The following CES3 variants were observed in gnomAD, a reference collection of about 807,000 sequenced individuals.
The protein encoded by CES3 is carboxylesterase 3 (brain).
In CES3, 49 loss-of-function variants were observed where a neutral mutation model predicts 57.6. The observed-to-expected ratio is 0.85, with a 90% CI of 0.68 to 1.08. The LOEUF is 1.08. CES3 is among the 50% of genes least tolerant of loss of function. The pLI is 0.00. For missense variants in CES3, 645 were observed against 742.0 expected, an observed-to-expected ratio of 0.87 and a Z score of 1.52; for synonymous variants, 266 against 281.6, an observed-to-expected ratio of 0.94 and a Z score of 0.55.
rs750026594 is a variant in CES3 at position 66,972,443 on chromosome 16, A to G, written c.1379A>G (p.His460Arg). Reference protein sequence around the residue: ...KIKPAWVKADHGAEGAFVFGG... With the variant: ...KIKPAWVKADRGAEGAFVFGG... The stretch of plus-strand genomic sequence containing the variant: ...AAACCTGCCTGGGTGAAGGCTGATC[A>G]TGGGGCCGAGGGTGCTTTTGTGTTC... Residue 460 changes from histidine (H) to arginine (R), a missense_variant, in exon 11 of 13, where the codon CAT becomes CGT. By Grantham distance (29) the His-to-Arg change is conservative. Coordinates refer to ENST00000303334, the MANE Select transcript of CES3 (RefSeq NM_024922.6). 2 of 1,614,100 alleles carry G rather than the reference A, an allele frequency of 1.2e-6. No individual in the cohort carries two copies. The highest frequency in any genetic ancestry group is 1.7e-5 in the Admixed American group (1 of 59,994).
At chr16:66,969,209 C>G (rs1963788411) in intron 8 of CES3, among the ~76,000 whole-genome samples, 1 of 152,238 alleles carries the variant, frequency 6.6e-6, no homozygotes, top group African/African-American at 2.4e-5. Context: ...AGTGTGAGAC[C>G]AGCCTGGCCA....
intron 10 of CES3, 61 bp downstream of exon 10, chr16:66,971,380 C>T: frequency 3.9e-6 from 6 of 1,555,708 alleles, no homozygotes; most frequent in Non-Finnish European, 5.3e-6. Flanking sequence ...GCTGGGTCAT[C>T]ACAGGTGACA....
rs1963647588 is a variant in CES3, at chr16:66,961,292, A to G, written c.-16A>G. On this transcript the variant is annotated 5_prime_UTR_variant, in exon 1 of 13. Transcript: ENST00000303334. ...TTCCACCTTCTGAAGCTTCTGTCGA[A>G]CCAGTTGTAAGGAGAATGGAGAGAG... 3.7e-6 allele frequency: 6 copies of G among 1,610,946 alleles called. No individual in the cohort carries two copies. The highest frequency in any genetic ancestry group is 5.1e-6 in the Non-Finnish European group (6 of 1,177,572).
In CES3 at chr16:66,974,388, C is replaced by T. The variant is rs1432635974; in HGVS notation, c.*1339C>T. On this transcript the variant is annotated 3_prime_UTR_variant, in exon 13 of 13. Transcript: ENST00000303334. ...CCCACTCAGAGCAGCTGGCCGGCCC[C>T]AGGCAGTGAGGGCCTTAGCACCTGG... 1.3e-5 allele frequency: 2 copies of T among 152,342 alleles called. No individual in the cohort carries two copies. The highest frequency in any genetic ancestry group is 2.4e-5 in the African/African-American group (1 of 41,458). The allele number at this position is 152,342 out of a possible 1,614,324, so 9.4% of individuals were successfully genotyped here. A position where few individuals can be genotyped will look rare whatever the true frequency, so the allele number is the denominator to read the frequency against.
Position 66,961,341 on chromosome 16 carries a change from C to G in CES3, c.34C>G (p.Leu12Val), listed in dbSNP as rs750791946. 3.1e-6 allele frequency: 5 copies of G among 1,613,694 alleles called. No homozygotes were observed. In the East Asian group the frequency reaches 8.9e-5, roughly 29 times the overall value. Reference sequence around the variant, plus strand: ...AGCAGTGAGAGTGGAGTCCGGGGTCCTGGTCGGGGTGGTCTGTCTGCTCCT... The same window carrying G: ...AGCAGTGAGAGTGGAGTCCGGGGTCGTGGTCGGGGTGGTCTGTCTGCTCCT... ...ERAVRVESGV[L>V]VGVVCLLLAC... The change falls in exon 1 of 13, where the codon CTG becomes GTG. Residue 12 changes from leucine to valine, a missense_variant. Coordinates refer to ENST00000303334, the MANE Select transcript of CES3 (RefSeq NM_024922.6).
chr16:66,970,054 T>A (rs71647902), intron 9 of CES3, among the ~76,000 whole-genome samples: 3,618 of 151,458 alleles, frequency 0.024, 98 homozygotes, highest in South Asian at 0.074. Flanking sequence ...CGGGAGAGGG[T>A]TTCATCTCCT....
At chr16:66,961,533 C>T (rs368386792) in intron 1 of CES3, 144 bp downstream of exon 1, 53 of 656,742 alleles carry the variant, frequency 8.1e-5, no homozygotes, top group African/African-American at 3.2e-4. Context: ...TCTGGGCAGG[C>T]GCTCTGCTCT....
At position 66,967,475 on chromosome 16, in the gene CES3, G is replaced by A. The variant is rs910532674; in HGVS notation, c.1062+610G>A. The A allele has an allele frequency of 1.3e-4, 133 of 985,452 alleles. 1 individual carries two copies. The highest frequency in any genetic ancestry group is 5.2e-5 in the African/African-American group (3 of 57,234). 61.0% of individuals were successfully genotyped at this position (985,452 alleles called of 1,614,324 possible). ...ACATCAGGCTCTATGAGACTGGTTAGTGTGACTCTGTGCCAGAGCAATTGA... is the reference window on the plus strand; with the variant it reads ...ACATCAGGCTCTATGAGACTGGTTAATGTGACTCTGTGCCAGAGCAATTGA... On this transcript the variant is annotated intron_variant, in intron 8 of 12. Coordinates refer to ENST00000303334, the MANE Select transcript of CES3 (RefSeq NM_024922.6).
chr16:66,967,099 T>C (rs1196048654), intron 8 of CES3, among the ~76,000 whole-genome samples: 2 of 151,070 alleles, frequency 1.3e-5, no homozygotes, highest in Non-Finnish European at 2.9e-5. Context: ...TTGTTTGTTT[T>C]TGAGACAGAG....
intron 7 of CES3, 175 bp from the exon 8 acceptor site, chr16:66,966,550 G>A (rs905333562): frequency 2.1e-5 from 18 of 846,046 alleles, no homozygotes; most frequent in South Asian, 6.9e-5. Flanking sequence ...GAAACTGGAC[G>A]CATCTGTTGC....
At position 66,966,355 on chromosome 16, in the gene CES3, C is replaced by A; in HGVS notation, c.921+10C>A. 2 of 1,612,520 alleles carry A rather than the reference C, an allele frequency of 1.2e-6. No individual in the cohort carries two copies. Among genetic ancestry groups the A allele is most frequent in the Non-Finnish European group, 8.5e-7 (1 of 1,179,196 alleles). ...CCTTAGCAAGAAGCTGGTATGGCCA[C>A]CCTTTTGGGGATGGTGCCGGGCAAT... On this transcript the variant is annotated intron_variant, in intron 7 of 12. Coordinates refer to ENST00000303334, the MANE Select transcript of CES3 (RefSeq NM_024922.6).
chr16:66,968,687 G>A (rs999436362), intron 8 of CES3, among the ~76,000 whole-genome samples: 2 of 152,060 alleles, frequency 1.3e-5, no homozygotes, highest in African/African-American at 2.4e-5. Context: ...GCTGAGGTGA[G>A]TGGGTCACTT....
chr16:66,968,236 C>T lies in CES3; in HGVS notation c.1062+1371C>T, dbSNP rs201746796. Among the ~76,000 whole-genome samples, 17 of 152,130 alleles carry T rather than the reference C, an allele frequency of 1.1e-4. 1 individual carries two copies. The highest frequency in any genetic ancestry group is 2.4e-4 in the Non-Finnish European group (16 of 68,020). ...GTGCAATGGCGCGATCTTAGCTCAC[C>T]GCACTGCAACCTCTGCCTCCCAGGT... On this transcript the variant is annotated intron_variant, in intron 8 of 12. Transcript: ENST00000303334.
chr16:66,973,309 G>C lies in CES3; in HGVS notation c.*260G>C. ...TGGTAGGTTCTAGCACATTCCTCTA[G>C]CTTCCTGGAGGACTCACTCCCCCAG... On this transcript the variant is annotated 3_prime_UTR_variant, in exon 13 of 13. Coordinates refer to ENST00000303334, the MANE Select transcript of CES3 (RefSeq NM_024922.6). 4.9e-6 allele frequency: 2 copies of C among 409,086 alleles called. No individual in the cohort carries two copies. Among genetic ancestry groups the C allele is most frequent in the Non-Finnish European group, 8.9e-6 (2 of 223,736 alleles). The allele number at this position is 409,086 out of a possible 1,614,324, so 25.3% of individuals were successfully genotyped here. A position where few individuals can be genotyped will look rare whatever the true frequency, so the allele number is the denominator to read the frequency against.
In CES3 at chr16:66,964,642, C is replaced by T; in HGVS notation, c.734C>T (p.Ala245Val). 1 of 1,614,086 alleles carries T rather than the reference C, an allele frequency of 6.2e-7. No individual in the cohort carries two copies. Among genetic ancestry groups the T allele is most frequent in the Non-Finnish European group, 8.5e-7 (1 of 1,179,986 alleles). ...ISGLVLSPVA[A>V]GLFHRAITQS... ...ACCCAGGTCCTGTCCCCAGTGGCTGCAGGGCTGTTCCACAGAGCCATCACA... is the reference window on the plus strand; with the variant it reads ...ACCCAGGTCCTGTCCCCAGTGGCTGTAGGGCTGTTCCACAGAGCCATCACA... The change falls in exon 6 of 13, where the codon GCA (alanine) becomes GTA (valine). Residue 245 changes from alanine to valine, a missense_variant. By Grantham distance (64) the Ala-to-Val change is moderately conservative. Transcript: ENST00000303334.
chr16:66,970,423 A>G (rs1249940365), intron 9 of CES3, among the ~76,000 whole-genome samples: 1 of 152,210 alleles, frequency 6.6e-6, no homozygotes, highest in Non-Finnish European at 1.5e-5. Flanking sequence ...AACTCTTTAC[A>G]GAGGAATTCT....
chr16:66,966,316 G>C lies in CES3; in HGVS notation c.892G>C (p.Gly298Arg), dbSNP rs370983435. The change falls in exon 7 of 13, where the codon GGA becomes CGA. Residue 298 changes from glycine (G) to arginine (R), a missense_variant. Gly to Arg is a moderately radical substitution (Grantham distance 125). Coordinates refer to ENST00000303334, the MANE Select transcript of CES3 (RefSeq NM_024922.6). Reference protein sequence around the residue: ...EMVQCLQQKEGEELVLSKKLK... With the variant: ...EMVQCLQQKEREELVLSKKLK... ...GGTGCAGTGCCTTCAGCAGAAAGAA[G>C]GAGAAGAGCTGGTCCTTAGCAAGAA... The C allele has an allele frequency of 1.9e-5, 30 of 1,613,638 alleles. No individual in the cohort carries two copies. Among genetic ancestry groups the C allele is most frequent in the Middle Eastern group, 1.6e-4 (1 of 6,082 alleles).
intron 10 of CES3, 110 bp downstream of exon 10, chr16:66,971,429 C>A: frequency 9.4e-7 from 1 of 1,067,112 alleles, no homozygotes; most frequent in Non-Finnish European, 1.4e-6. Context: ...TGCCTTGCAC[C>A]CCACACCCCA....
At chr16:66,972,269 A>C in intron 10 of CES3, 87 bp from the exon 11 acceptor site, 3 of 1,263,868 alleles carry the variant, frequency 2.4e-6, no homozygotes, top group Non-Finnish European at 2.1e-6. Context: ...CATCATGGAA[A>C]TTGGTGTTAT....
Sources: gnomAD v4.1 joint callset for allele counts (sites outside exome capture counted in the v4.1 genomes callset) on GRCh38, gnomAD v4.1.1 for gene constraint, MANE v1.5 for transcripts, NCBI Gene and HGNC (gene_info 2026-07-23, HGNC 2026-07-21) for gene names.